Variants in LRRFIP1 observed in about 807,000 individuals in gnomAD.
LRRFIP1 encodes leucine-rich repeat flightless-interacting protein 1.
A neutral mutation model predicts 104.4 loss-of-function variants in LRRFIP1; 62 were observed. That is an observed-to-expected ratio of 0.59 (90% confidence interval 0.48 to 0.73). LRRFIP1 has a LOEUF of 0.73. LRRFIP1 is among the 30% of genes least tolerant of loss of function. The pLI is 0.00. For missense variants in LRRFIP1, 796 were observed against 824.5 expected (o/e 0.97, Z 0.42); for synonymous variants, 300 against 299.0 (o/e 1.00, Z -0.03).
At position 237,672,806 on chromosome 2, in the gene LRRFIP1, A is replaced by G. The variant is rs77460548; in HGVS notation, c.97-35738A>G. ...TACAGTATCCAAATGTGGATGATAT[A>G]TCCTTTTAACTATGTCCCTGATATT... On this transcript the variant is annotated intron_variant, in intron 1 of 23. Coordinates refer to ENST00000308482, the MANE Select transcript of LRRFIP1 (RefSeq NM_001137550.2). 3.1e-3 allele frequency among the ~76,000 whole-genome samples: 475 copies of G among 152,326 alleles called. 7 individuals carry two copies. The East Asian group carries it at 0.047, about 15-fold the overall frequency.
intron 1 of LRRFIP1, among the ~76,000 whole-genome samples, chr2:237,646,234 A>G (rs1396340622): frequency 1.3e-5 from 2 of 151,982 alleles, no homozygotes. Context: ...AAAAAAATAT[A>G]TATGTATTAC....
At chr2:237,714,370 A>G (rs941033166) in intron 3 of LRRFIP1, 94 bp downstream of exon 3, 4 of 966,308 alleles carry the variant, frequency 4.1e-6, no homozygotes, top group Non-Finnish European at 6.4e-6. Context: ...CTTGCACTGA[A>G]GATACATAGA....
intron 4 of LRRFIP1, among the ~76,000 whole-genome samples, chr2:237,718,571 G>A (rs574316325): frequency 9.9e-5 from 15 of 152,230 alleles, no homozygotes; most frequent in African/African-American, 3.6e-4. Context: ...GGCCCTTCTC[G>A]TTAGTTCCTC....
rs370975132 is a variant in LRRFIP1, at chr2:237,713,545, C to T, written c.184-714C>T. 2.6e-5 allele frequency among the ~76,000 whole-genome samples: 4 copies of T among 152,252 alleles called. No homozygotes were observed. In the South Asian group the frequency reaches 8.3e-4, roughly 32 times the overall value. ...TTGGATGTAGTCACATGTGTTCCCC[C>T]ATATAAGACTAGAAATGCCAACTTC... is the stretch of plus-strand genomic sequence containing the variant. On this transcript the variant is annotated intron_variant, in intron 2 of 23. Coordinates refer to ENST00000308482, the MANE Select transcript of LRRFIP1 (RefSeq NM_001137550.2).
At chr2:237,666,765 C>CTT (rs1436845320) in intron 1 of LRRFIP1, among the ~76,000 whole-genome samples, 1 of 142,996 alleles carries the variant, frequency 7.0e-6, no homozygotes, top group Admixed American at 7.2e-5. Flanking sequence ...CTCTTTCTTT[C>CTT]TCTCTTTCTC....
At chr2:237,642,590 A>G (rs894515862) in intron 1 of LRRFIP1, among the ~76,000 whole-genome samples, 2 of 151,478 alleles carry the variant, frequency 1.3e-5, no homozygotes, top group Non-Finnish European at 2.9e-5. Flanking sequence ...TCCCAGTTCC[A>G]GGTTTCAGGC....
intron 4 of LRRFIP1, among the ~76,000 whole-genome samples, chr2:237,718,517 G>A (rs2094426894): frequency 6.6e-6 from 1 of 152,138 alleles, no homozygotes; most frequent in Admixed American, 6.5e-5. Context: ...TGCGGAAGGG[G>A]CACAATCTGT....
intron 1 of LRRFIP1, among the ~76,000 whole-genome samples, chr2:237,654,399 G>A (rs1164092383): frequency 2.6e-5 from 4 of 152,204 alleles, no homozygotes; most frequent in Admixed American, 1.3e-4. Flanking sequence ...GGGAACCATC[G>A]TACACTGTTG....
At chr2:237,673,290 C>T (rs2090620678) in intron 1 of LRRFIP1, among the ~76,000 whole-genome samples, 1 of 152,218 alleles carries the variant, frequency 6.6e-6, no homozygotes, top group South Asian at 2.1e-4. Context: ...GCGGGGACAG[C>T]GCTGGGAGGG....
At chr2:237,730,735 G>A (rs1466888446) in intron 8 of LRRFIP1, among the ~76,000 whole-genome samples, 6 of 152,210 alleles carry the variant, frequency 3.9e-5, no homozygotes, top group Non-Finnish European at 8.8e-5. Flanking sequence ...TGGCTAACAC[G>A]ATGAAACCCC....
At position 237,779,714 on chromosome 2, in the gene LRRFIP1, G is replaced by C. The variant is rs1488762370; in HGVS notation, c.*182G>C. Reference sequence around the variant, plus strand: ...CCCAGGGAGCCCCAGCAGCCACCAGGTGCCTCTGTCTGCAGACCCCTGGCC... The same window carrying C: ...CCCAGGGAGCCCCAGCAGCCACCAGCTGCCTCTGTCTGCAGACCCCTGGCC... On this transcript the variant is annotated 3_prime_UTR_variant, in exon 24 of 24. Coordinates refer to ENST00000308482, the MANE Select transcript of LRRFIP1 (RefSeq NM_001137550.2). 1 of 528,208 alleles carries C rather than the reference G, an allele frequency of 1.9e-6. No individual in the cohort carries two copies. The highest frequency in any genetic ancestry group is 3.4e-6 in the Non-Finnish European group (1 of 296,836). 32.7% of individuals were successfully genotyped at this position (528,208 alleles called of 1,614,324 possible).
intron 1 of LRRFIP1, chr2:237,692,416 G>A (rs1413252513): frequency 1.6e-5 from 23 of 1,481,366 alleles, no homozygotes; most frequent in Non-Finnish European, 4.5e-6. Flanking sequence ...CGCGGTCCCC[G>A]AGCATTTCCC....
At chr2:237,749,785 C>A (rs1186748774) in intron 13 of LRRFIP1, among the ~76,000 whole-genome samples, 2 of 152,094 alleles carry the variant, frequency 1.3e-5, no homozygotes, top group African/African-American at 2.4e-5. Flanking sequence ...CCTTTAGTAG[C>A]CCTCATCTTT....
intron 1 of LRRFIP1, among the ~76,000 whole-genome samples, chr2:237,663,690 G>A (rs536129577): frequency 3.6e-4 from 55 of 152,376 alleles, no homozygotes; most frequent in Middle Eastern, 3.4e-3. Flanking sequence ...GGTGCTTGGG[G>A]AGGATGGTGT....
At chr2:237,702,486 GC>G (rs1299153687) in intron 1 of LRRFIP1, among the ~76,000 whole-genome samples, 1 of 152,134 alleles carries the variant, frequency 6.6e-6, no homozygotes, top group East Asian at 1.9e-4. Context: ...AAGCCAGGGA[GC>G]CTGGATCTTG....
At chr2:237,647,971 A>C (rs1184851439) in intron 1 of LRRFIP1, among the ~76,000 whole-genome samples, 1 of 152,072 alleles carries the variant, frequency 6.6e-6, no homozygotes, top group African/African-American at 2.4e-5. Context: ...TTTTTCCAGA[A>C]TCTGGGGGAA....
chr2:237,671,835 T>C (rs1484487130), intron 1 of LRRFIP1, among the ~76,000 whole-genome samples: 2 of 150,186 alleles, frequency 1.3e-5, no homozygotes, highest in Non-Finnish European at 3.0e-5. Context: ...CATGTGTGTG[T>C]GTGCCTGCAT....
chr2:237,760,676 C>T (rs938723183), intron 19 of LRRFIP1, among the ~76,000 whole-genome samples: 11 of 152,180 alleles, frequency 7.2e-5, no homozygotes, highest in African/African-American at 2.4e-4. Context: ...CAGCATTCAG[C>T]GCTTTGAGGG....
chr2:237,653,871 T>C (rs1230804710), intron 1 of LRRFIP1, among the ~76,000 whole-genome samples: 1 of 152,190 alleles, frequency 6.6e-6, no homozygotes, highest in Non-Finnish European at 1.5e-5. Flanking sequence ...TATTAAAGAC[T>C]TAAATGTAAG....
Sources: gnomAD v4.1 joint callset for allele counts (sites outside exome capture counted in the v4.1 genomes callset) on GRCh38, gnomAD v4.1.1 for gene constraint, MANE v1.5 for transcripts, NCBI Gene and HGNC (gene_info 2026-07-23, HGNC 2026-07-21) for gene names.